Variants in TENM2 observed in about 807,000 individuals in gnomAD.
TENM2 encodes teneurin-2.
Under a neutral mutation model 245.2 loss-of-function variants are expected in TENM2, and 52 were observed. The ratio of observed to expected loss-of-function variants is 0.21; its 90% CI spans 0.17 to 0.27. The LOEUF (loss-of-function observed/expected upper bound fraction) is 0.27, where lower values mean the gene tolerates loss of function less well. Among genes scored for constraint, TENM2 ranks in the 10% least tolerant of loss-of-function variants. The probability of loss-of-function intolerance (pLI) is 1.00; values close to 1 mark genes in which losing one functional copy is unlikely to be tolerated. For missense variants in TENM2, 3,046 were observed against 3,666.8 expected, an observed-to-expected ratio of 0.83 and a Z score of 4.37; for synonymous variants, 1,363 against 1,438.9, an observed-to-expected ratio of 0.95 and a Z score of 1.19.
intron 27 of TENM2, among the ~76,000 whole-genome samples, chr5:168,257,779 C>A (rs1271471155): frequency 6.6e-6 from 1 of 152,166 alleles, no homozygotes; most frequent in African/African-American, 2.4e-5. Context: ...CCACGCCCAG[C>A]TAATTTTTGT....
chr5:167,670,500 T>G (rs201722047), intron 2 of TENM2, among the ~76,000 whole-genome samples: 2 of 69,534 alleles, frequency 2.9e-5, no homozygotes, highest in Non-Finnish European at 4.4e-5. Flanking sequence ...TCTCATCACA[T>G]TTTTTTTTCT....
chr5:168,199,191 T>C, intron 16 of TENM2, 77 bp downstream of exon 18: 2 of 1,453,180 alleles, frequency 1.4e-6, no homozygotes, highest in Non-Finnish European at 9.3e-7. Flanking sequence ...TCTCCCCGAG[T>C]GGACCAGAAA....
chr5:168,131,589 G>C (rs557377127), intron 12 of TENM2, among the ~76,000 whole-genome samples: 7 of 152,336 alleles, frequency 4.6e-5, no homozygotes, highest in African/African-American at 1.7e-4. Context: ...ATCAGAAGTA[G>C]ACAGGGTCAC....
chr5:167,630,441 CATA>C, intron 2 of TENM2, among the ~76,000 whole-genome samples: 1 of 152,242 alleles, frequency 6.6e-6, no homozygotes, highest in Non-Finnish European at 1.5e-5. Context: ...TCACAGGATT[CATA>C]ATAATGTTAC....
chr5:167,584,813 G>A (rs1775367977), intron 2 of TENM2, among the ~76,000 whole-genome samples: 2 of 151,568 alleles, frequency 1.3e-5, no homozygotes, highest in South Asian at 4.2e-4. Context: ...TCCTGTCTCA[G>A]CCTCCCAAGT....
intron 2 of TENM2, among the ~76,000 whole-genome samples, chr5:167,807,813 G>T (rs1298900346): frequency 2.6e-5 from 4 of 152,058 alleles, no homozygotes; most frequent in Non-Finnish European, 2.9e-5. Flanking sequence ...TTCTAAATTT[G>T]TAGTGCATTA....
the TENM2 span, among the ~76,000 whole-genome samples, chr5:167,135,587 TAACACCGTGA>T: frequency 6.6e-6 from 1 of 152,074 alleles, no homozygotes; most frequent in Non-Finnish European, 1.5e-5. Flanking sequence ...CCATCCTGGC[TAACACCGTGA>T]AACACCGTCT....
At chr5:167,391,587 T>C (rs1235091670) in intron 2 of TENM2, among the ~76,000 whole-genome samples, 1 of 130,754 alleles carries the variant, frequency 7.6e-6, no homozygotes, top group Non-Finnish European at 1.5e-5. Flanking sequence ...ATTGTGCCAC[T>C]GCACTCCAGA....
the TENM2 span, among the ~76,000 whole-genome samples, chr5:167,160,974 T>C: frequency 6.6e-6 from 1 of 152,090 alleles, no homozygotes; most frequent in African/African-American, 2.4e-5. Flanking sequence ...AAAACCCTTG[T>C]ATTTTCAATA....
At chr5:166,986,871 G>A in the TENM2 span, among the ~76,000 whole-genome samples, 3 of 152,066 alleles carry the variant, frequency 2.0e-5, no homozygotes, top group African/African-American at 4.8e-5. Context: ...CTTGGGAGTG[G>A]TTTGATGCTT....
At chr5:167,740,020 C>T (rs777501414) in intron 2 of TENM2, among the ~76,000 whole-genome samples, 2 of 152,118 alleles carry the variant, frequency 1.3e-5, no homozygotes, top group African/African-American at 4.8e-5. Flanking sequence ...TTAGCAGATG[C>T]GGGGGTTTCT....
At chr5:167,639,800 T>G (rs1779438558) in intron 2 of TENM2, among the ~76,000 whole-genome samples, 1 of 152,170 alleles carries the variant, frequency 6.6e-6, no homozygotes, top group South Asian at 2.1e-4. Flanking sequence ...ACACCTAGAC[T>G]CTAAGCTTCA....
the TENM2 span, among the ~76,000 whole-genome samples, chr5:167,181,083 T>G: frequency 2.0e-5 from 3 of 152,026 alleles, no homozygotes; most frequent in African/African-American, 7.2e-5. Context: ...AAGGGGAGTC[T>G]TCAAGCAGAA....
intron 4 of TENM2, among the ~76,000 whole-genome samples, chr5:167,958,620 T>A (rs1248810331): frequency 6.6e-6 from 1 of 152,180 alleles, no homozygotes; most frequent in Non-Finnish European, 1.5e-5. Context: ...CTGGTACCAG[T>A]TTTTCCTTTC....
intron 9 of TENM2, among the ~76,000 whole-genome samples, chr5:168,112,222 G>A (rs1337111951): frequency 6.6e-6 from 1 of 152,030 alleles, no homozygotes; most frequent in Non-Finnish European, 1.5e-5. Flanking sequence ...TAATCTGTAT[G>A]GAATTTTTTT....
intron 15 of TENM2, among the ~76,000 whole-genome samples, chr5:168,198,161 ATGGGTG>A (rs1761616830): frequency 1.3e-5 from 2 of 149,158 alleles, no homozygotes; most frequent in Non-Finnish European, 3.0e-5. Flanking sequence ...ACATAAACAA[ATGGGTG>A]TAACTGTATG....
intron 2 of TENM2, among the ~76,000 whole-genome samples, chr5:167,385,169 T>G (rs1761343507): frequency 6.6e-6 from 1 of 152,182 alleles, no homozygotes; most frequent in Non-Finnish European, 1.5e-5. Context: ...GTGTTGTAGG[T>G]GAACGTTGGC....
At position 167,992,890 on chromosome 5, in the gene TENM2, A is replaced by G. The variant is rs1168042401; in HGVS notation, c.948-54A>G. The G allele has an allele frequency of 7.9e-6, 11 of 1,398,110 alleles. No individual in the cohort carries two copies. In the South Asian group the frequency reaches 1.3e-4, roughly 16 times the overall value. The allele number at this position is 1,398,110 out of a possible 1,614,324, so 86.6% of individuals were successfully genotyped here. ...AGCAGAGTGGAAGAAAAATAGCTAA[A>G]TGTTGCTCCTTGGCTACCCATGACC... is the stretch of plus-strand genomic sequence containing the variant. On this transcript the variant is annotated intron_variant, in intron 4 of 28. Coordinates refer to ENST00000518659, the Ensembl canonical transcript of TENM2.
intron 1 of TENM2, among the ~76,000 whole-genome samples, chr5:167,305,909 G>A (rs769817935): frequency 2.0e-5 from 3 of 152,182 alleles, no homozygotes; most frequent in Non-Finnish European, 4.4e-5. Context: ...ATTATGATCA[G>A]CAGAGCTAAG....
Sources: gnomAD v4.1 joint callset for allele counts (sites outside exome capture counted in the v4.1 genomes callset) on GRCh38, gnomAD v4.1.1 for gene constraint, MANE v1.5 for transcripts, NCBI Gene and HGNC (gene_info 2026-07-23, HGNC 2026-07-21) for gene names.